KCNH5: variants seen among roughly 807,000 people sequenced by gnomAD.
The protein encoded by KCNH5 is potassium voltage-gated channel subfamily H member 5, also known as voltage-gated delayed rectifier potassium channel KCNH5.
A neutral mutation model predicts 96.1 loss-of-function variants in KCNH5; 46 were observed. The ratio of observed to expected loss-of-function variants is 0.48; its 90% CI spans 0.38 to 0.61. KCNH5 has a LOEUF of 0.61. Among genes scored for constraint, KCNH5 ranks in the 20% least tolerant of loss-of-function variants. KCNH5 has a pLI of 0.00. For synonymous variants in KCNH5, 439 were observed against 449.8 expected, an observed-to-expected ratio of 0.98 and a Z score of 0.30; for missense variants, 907 against 1,225.8, an observed-to-expected ratio of 0.74 and a Z score of 3.88.
chr14:62,951,176 T>C (rs905451714), intron 6 of KCNH5, among the ~76,000 whole-genome samples: 4 of 152,032 alleles, frequency 2.6e-5, no homozygotes, highest in Non-Finnish European at 5.9e-5. Flanking sequence ...GAACCTGAAA[T>C]GGGTGTGTGG....
rs562633533 is a variant in KCNH5 at position 63,014,303 on chromosome 14, C to T, written c.197+2528G>A. 2.3e-4 allele frequency among the ~76,000 whole-genome samples: 35 copies of T among 152,140 alleles called. No individual in the cohort carries two copies. The South Asian group carries it at 7.1e-3, about 31-fold the overall frequency. ...TCCAGAGCATGTGAGACCTAGGTTA[C>T]GGTTTATTGCAAAACAAGCCAATCC... On this transcript the variant is annotated intron_variant, in intron 2 of 10. Coordinates refer to ENST00000322893, the MANE Select transcript of KCNH5 (RefSeq NM_139318.5).
At chr14:63,030,651 A>G (rs79900455) in intron 1 of KCNH5, among the ~76,000 whole-genome samples, 5,247 of 152,260 alleles carry the variant, frequency 0.034, 260 homozygotes, top group African/African-American at 0.11. Context: ...GGTCTTGAGT[A>G]GAACCCAGGC....
rs764377734 is a variant in KCNH5 at position 62,981,200 on chromosome 14, T to A, written c.614A>T (p.His205Leu). 6.2e-7 allele frequency: 1 copy of A among 1,614,144 alleles called. No individual in the cohort carries two copies. Among genetic ancestry groups the A allele is most frequent in the South Asian group, 1.1e-5 (1 of 91,078 alleles). Residue 205 changes from histidine to leucine, a missense_variant, in exon 6 of 11, where the codon CAC (histidine) becomes CTC (leucine). Coordinates refer to ENST00000322893, the MANE Select transcript of KCNH5 (RefSeq NM_139318.5). The part of the protein sequence containing the change: ...YKQEAPKTPP[H>L]IILHYCAFKT... ...AAAAGCACAATAATGTAAAATAATG[T>A]GTGGTGGCGTCTTTGGCGCTTCTTG...
intron 8 of KCNH5, among the ~76,000 whole-genome samples, chr14:62,809,731 A>G (rs778787402): frequency 2.4e-4 from 37 of 152,252 alleles, no homozygotes; most frequent in Admixed American, 1.6e-3. Flanking sequence ...TCTTACCGGA[A>G]TTTGTCTTTA....
rs575968257 is a variant in KCNH5, at chr14:62,781,189, C to T, written c.1823-1265G>A. Among the ~76,000 whole-genome samples the T allele has an allele frequency of 6.6e-5, 10 of 152,152 alleles. No homozygotes were observed. In the South Asian group the frequency reaches 2.1e-3, roughly 32 times the overall value. On this transcript the variant is annotated intron_variant, in intron 9 of 10. Transcript: ENST00000322893. ...GGTAGGTTCCATGATGCCCACAAGC[C>T]ACAAAAACCAGCAAGTTTTTATTAG...
At chr14:62,758,131 G>A (rs1242711566) in intron 10 of KCNH5, among the ~76,000 whole-genome samples, 4 of 143,716 alleles carry the variant, frequency 2.8e-5, no homozygotes, top group Non-Finnish European at 4.5e-5. Context: ...GTGACAGAGC[G>A]AGACTCCATC....
intron 9 of KCNH5, among the ~76,000 whole-genome samples, chr14:62,793,997 A>C (rs1214083697): frequency 1.3e-5 from 2 of 151,996 alleles, no homozygotes; most frequent in East Asian, 3.9e-4. Flanking sequence ...ACCCAGATGA[A>C]AGAGGAGAGT....
chr14:62,818,622 C>T (rs1887048824), intron 8 of KCNH5, among the ~76,000 whole-genome samples: 1 of 152,080 alleles, frequency 6.6e-6, no homozygotes, highest in South Asian at 2.1e-4. Context: ...TTCAATAAAA[C>T]TAAACATCAA....
rs191776649 is a variant in KCNH5, at chr14:62,807,872, G to C, written c.1570-5291C>G. The stretch of plus-strand genomic sequence containing the variant: ...TGCAAAAAATGTTGTACAATTTAAA[G>C]GTTGTTAGGCCTCCTAAATGCTTCA... On this transcript the variant is annotated intron_variant, in intron 8 of 10. Transcript: ENST00000322893. Among the ~76,000 whole-genome samples, 268 of 152,140 alleles carry C rather than the reference G, an allele frequency of 1.8e-3. 6 individuals carry two copies. The highest frequency in any genetic ancestry group is 0.016 in the Admixed American group (246 of 15,260).
chr14:63,017,200 C>A (rs894752866), intron 1 of KCNH5, among the ~76,000 whole-genome samples: 1 of 151,888 alleles, frequency 6.6e-6, no homozygotes, highest in Admixed American at 6.6e-5. Flanking sequence ...TATAATAATT[C>A]TTTCCATTCA....
At chr14:62,855,417 G>A (rs984599105) in intron 7 of KCNH5, among the ~76,000 whole-genome samples, 3 of 152,164 alleles carry the variant, frequency 2.0e-5, no homozygotes, top group Admixed American at 6.5e-5. Context: ...AGTCAACTAA[G>A]TAGTTTTCAG....
At chr14:62,732,950 T>A (rs1566642672) in intron 10 of KCNH5, among the ~76,000 whole-genome samples, 1 of 152,098 alleles carries the variant, frequency 6.6e-6, no homozygotes, top group East Asian at 1.9e-4. Context: ...CTCTCTCTCC[T>A]TCTTCTTGTC....
chr14:62,888,450 G>A (rs1888641622), intron 7 of KCNH5, among the ~76,000 whole-genome samples: 1 of 152,168 alleles, frequency 6.6e-6, no homozygotes, highest in Admixed American at 6.5e-5. Context: ...TAGATGATTT[G>A]TGAGAAATTT....
At chr14:62,796,198 T>C (rs980060021) in intron 9 of KCNH5, among the ~76,000 whole-genome samples, 2 of 152,086 alleles carry the variant, frequency 1.3e-5, no homozygotes, top group Admixed American at 6.6e-5. Flanking sequence ...CAGCGAAACA[T>C]TGAAATGGAG....
At chr14:62,887,186 C>A (rs893248552) in intron 7 of KCNH5, among the ~76,000 whole-genome samples, 3 of 152,134 alleles carry the variant, frequency 2.0e-5, no homozygotes, top group Admixed American at 1.3e-4. Flanking sequence ...ATTTCACCTG[C>A]TAGCCTAGAC....
Position 62,941,494 on chromosome 14 carries a change from T to A in KCNH5, c.1369+8639A>T, listed in dbSNP as rs556583280. Among the ~76,000 whole-genome samples the A allele has an allele frequency of 2.6e-5, 4 of 152,242 alleles. No individual in the cohort carries two copies. In the East Asian group the frequency reaches 7.7e-4, roughly 29 times the overall value. On this transcript the variant is annotated intron_variant, in intron 7 of 10. Coordinates refer to ENST00000322893, the MANE Select transcript of KCNH5 (RefSeq NM_139318.5). The stretch of plus-strand genomic sequence containing the variant: ...ATAAAAGGTGCCTATAACCCTGAAC[T>A]TGGGGCTCCATAAAATGTTTTTTCT...
intron 8 of KCNH5, among the ~76,000 whole-genome samples, chr14:62,807,538 A>T (rs1287119243): frequency 6.6e-6 from 1 of 152,162 alleles, no homozygotes; most frequent in Non-Finnish European, 1.5e-5. Context: ...GTCAGATATT[A>T]AGTTTGCTAA....
intron 10 of KCNH5, among the ~76,000 whole-genome samples, chr14:62,731,036 T>C (rs1371208806): frequency 2.6e-5 from 4 of 152,144 alleles, no homozygotes; most frequent in East Asian, 1.9e-4. Context: ...TGCAGTGGCT[T>C]ACACCTGTAA....
At chr14:62,825,334 T>C (rs1887199710) in intron 8 of KCNH5, among the ~76,000 whole-genome samples, 1 of 152,146 alleles carries the variant, frequency 6.6e-6, no homozygotes, top group Non-Finnish European at 1.5e-5. Flanking sequence ...TTCTGACTGA[T>C]GTGAAATGGT....
Sources: allele counts gnomAD v4.1 joint callset (sites outside exome capture counted in the v4.1 genomes callset), GRCh38; gene constraint gnomAD v4.1.1; transcripts MANE v1.5; gene names NCBI Gene and HGNC (gene_info 2026-07-23, HGNC 2026-07-21).